CHCHD6: variants seen among roughly 807,000 people sequenced by gnomAD.
The protein encoded by CHCHD6 is MICOS complex subunit MIC25.
In CHCHD6, 28 loss-of-function variants were observed where a neutral mutation model predicts 32.3. That is an observed-to-expected ratio of 0.87 (90% CI 0.64 to 1.19). The LOEUF (loss-of-function observed/expected upper bound fraction) is 1.19, where lower values mean the gene tolerates loss of function less well. CHCHD6 is among the 50% of genes most tolerant of loss of function. The pLI is 0.00. For synonymous variants in CHCHD6, 122 were observed against 117.5 expected (o/e 1.04, Z -0.25); for missense variants, 333 against 307.0 (o/e 1.08, Z -0.63).
intron 6 of CHCHD6, among the ~76,000 whole-genome samples, chr3:126,923,768 TAGG>T (rs2078285588): frequency 6.6e-6 from 1 of 152,224 alleles, no homozygotes; most frequent in South Asian, 2.1e-4. Context: ...GTTAAGCCTC[TAGG>T]AAAGTGTCAG....
chr3:126,934,009 G>A (rs1365415909), intron 6 of CHCHD6, among the ~76,000 whole-genome samples: 2 of 152,288 alleles, frequency 1.3e-5, no homozygotes, highest in East Asian at 1.9e-4. Flanking sequence ...GGGATTCTGC[G>A]CTCTTCTCCT....
intron 4 of CHCHD6, among the ~76,000 whole-genome samples, chr3:126,836,656 A>T (rs1250556941): frequency 1.3e-5 from 2 of 152,198 alleles, no homozygotes; most frequent in East Asian, 3.9e-4. Flanking sequence ...GGGGACACTG[A>T]CCGGGAGAGG....
chr3:126,723,103 A>G (rs1181456111), intron 1 of CHCHD6, among the ~76,000 whole-genome samples: 1 of 152,182 alleles, frequency 6.6e-6, no homozygotes, highest in Non-Finnish European at 1.5e-5. Context: ...GTTGAAATCA[A>G]CTGACCATAG....
intron 5 of CHCHD6, among the ~76,000 whole-genome samples, chr3:126,881,947 G>C (rs2077616549): frequency 6.6e-6 from 1 of 152,148 alleles, no homozygotes; most frequent in Non-Finnish European, 1.5e-5. Flanking sequence ...CTTCCTCCTA[G>C]TACCTTCCAC....
chr3:126,825,897 C>G (rs964313037), intron 4 of CHCHD6, among the ~76,000 whole-genome samples: 3 of 152,210 alleles, frequency 2.0e-5, no homozygotes, highest in Admixed American at 6.5e-5. Flanking sequence ...TTTACTCTTT[C>G]CACTGCTGTT....
At chr3:126,806,259 C>A (rs967677669) in intron 4 of CHCHD6, among the ~76,000 whole-genome samples, 8 of 152,244 alleles carry the variant, frequency 5.3e-5, no homozygotes, top group African/African-American at 1.9e-4. Flanking sequence ...TCAGAGTGAA[C>A]AGACAACCTA....
intron 4 of CHCHD6, among the ~76,000 whole-genome samples, chr3:126,852,223 C>T (rs1385337741): frequency 1.3e-5 from 2 of 152,204 alleles, no homozygotes; most frequent in Non-Finnish European, 2.9e-5. Context: ...GACACACCTG[C>T]ATTGACCAAG....
chr3:126,919,689 C>G lies in CHCHD6; in HGVS notation c.566+4939C>G, dbSNP rs556668173. On this transcript the variant is annotated intron_variant, in intron 6 of 7. Coordinates refer to ENST00000290913, the MANE Select transcript of CHCHD6 (RefSeq NM_032343.3). The stretch of plus-strand genomic sequence containing the variant: ...TTTATTTTTAATTGTATGTAAATAC[C>G]TTTTTCACCTTCATTTTGAAAAATA... 4.1e-5 allele frequency among the ~76,000 whole-genome samples: 6 copies of G among 144,658 alleles called. No homozygotes were observed. In the South Asian group the frequency reaches 1.1e-3, roughly 27 times the overall value. The allele number at this position is 144,658 out of a possible 152,430, so 94.9% of individuals were successfully genotyped here. A position where few individuals can be genotyped will look rare whatever the true frequency, so the allele number is the denominator to read the frequency against.
intron 4 of CHCHD6, among the ~76,000 whole-genome samples, chr3:126,837,619 A>G (rs1483296262): frequency 3.9e-5 from 6 of 152,220 alleles, no homozygotes; most frequent in Non-Finnish European, 7.3e-5. Flanking sequence ...AGGTTATTGT[A>G]TAAGTTAATG....
intron 4 of CHCHD6, among the ~76,000 whole-genome samples, chr3:126,842,030 C>T (rs2107547200): frequency 6.6e-6 from 1 of 152,328 alleles, no homozygotes; most frequent in South Asian, 2.1e-4. Flanking sequence ...GGGAGGATGG[C>T]TTGAGCCCAG....
intron 4 of CHCHD6, among the ~76,000 whole-genome samples, chr3:126,785,869 G>A (rs189414708): frequency 6.6e-6 from 1 of 152,134 alleles, no homozygotes; most frequent in Admixed American, 6.5e-5. Flanking sequence ...GGGTACATGT[G>A]CACAACGTGC....
intron 5 of CHCHD6, among the ~76,000 whole-genome samples, chr3:126,911,305 C>T (rs148080134): frequency 0.012 from 1,812 of 152,308 alleles, 19 homozygotes; most frequent in Middle Eastern, 0.048. Flanking sequence ...GTGTCTAGTC[C>T]TTCTAGAAGC....
chr3:126,719,076 C>T (rs1236731162), intron 1 of CHCHD6, among the ~76,000 whole-genome samples: 4 of 152,208 alleles, frequency 2.6e-5, no homozygotes, highest in African/African-American at 9.7e-5. Flanking sequence ...CCGCAGTGAC[C>T]TCCTCGTGCC....
Position 126,904,173 on chromosome 3 carries a change from A to G in CHCHD6, c.496-10507A>G, listed in dbSNP as rs551750423. 9.2e-5 allele frequency among the ~76,000 whole-genome samples: 14 copies of G among 152,284 alleles called. No homozygotes were observed. The South Asian group carries it at 2.5e-3, about 27-fold the overall frequency. On this transcript the variant is annotated intron_variant, in intron 5 of 7. Transcript: ENST00000290913. Reference sequence around the variant, plus strand: ...TTCCCTCATACTGTCTCCTACAGGGACAGTGTTACAGAGCTGCCTTTCACC... The same window carrying G: ...TTCCCTCATACTGTCTCCTACAGGGGCAGTGTTACAGAGCTGCCTTTCACC...
At chr3:126,932,233 A>G (rs1488026526) in intron 6 of CHCHD6, among the ~76,000 whole-genome samples, 4 of 152,126 alleles carry the variant, frequency 2.6e-5, no homozygotes, top group Non-Finnish European at 5.9e-5. Context: ...TGCCTGTGCC[A>G]GTGTGCTGTG....
At chr3:126,856,348 G>A (rs954896808) in intron 5 of CHCHD6, among the ~76,000 whole-genome samples, 2 of 152,104 alleles carry the variant, frequency 1.3e-5, no homozygotes, top group Non-Finnish European at 2.9e-5. Context: ...GATGTTCCTT[G>A]TAGATAAGGA....
intron 4 of CHCHD6, among the ~76,000 whole-genome samples, chr3:126,817,145 C>A (rs1468312024): frequency 1.3e-5 from 2 of 152,166 alleles, no homozygotes; most frequent in Non-Finnish European, 2.9e-5. Flanking sequence ...CAATCGCCGA[C>A]TGCTCTCTCT....
chr3:126,900,802 C>T lies in CHCHD6; in HGVS notation c.496-13878C>T, dbSNP rs192825726. ...TATTTTTAGTGGAAACGGGGTTTCT[C>T]CATGTTGGTCAGGCTGGTCTTGAAT... is the stretch of plus-strand genomic sequence containing the variant. On this transcript the variant is annotated intron_variant, in intron 5 of 7. Transcript: ENST00000290913. Among the ~76,000 whole-genome samples, 6 of 152,046 alleles carry T rather than the reference C, an allele frequency of 3.9e-5. No individual in the cohort carries two copies. In the East Asian group the frequency reaches 5.8e-4, roughly 15 times the overall value.
At chr3:126,840,751 T>C (rs1576479429) in intron 4 of CHCHD6, among the ~76,000 whole-genome samples, 1 of 152,254 alleles carries the variant, frequency 6.6e-6, no homozygotes, top group South Asian at 2.1e-4. Context: ...GTACCAGATA[T>C]TTGTTTAGTA....
Sources: allele counts gnomAD v4.1 joint callset (sites outside exome capture counted in the v4.1 genomes callset), GRCh38; gene constraint gnomAD v4.1.1; transcripts MANE v1.5; gene names NCBI Gene and HGNC (gene_info 2026-07-23, HGNC 2026-07-21).